DOCK4: variants seen among roughly 807,000 people sequenced by gnomAD.
The protein encoded by DOCK4 is dedicator of cytokinesis 4, also known as dedicator of cytokinesis protein 4.
A neutral mutation model predicts 268.1 loss-of-function variants in DOCK4; 97 were observed. The observed-to-expected ratio is 0.36, with a 90% CI of 0.31 to 0.43. DOCK4 has a LOEUF of 0.43. Among genes scored for constraint, DOCK4 ranks in the 20% least tolerant of loss-of-function variants. The probability of loss-of-function intolerance (pLI) is 1.00; values close to 1 mark genes in which losing one functional copy is unlikely to be tolerated. For synonymous variants in DOCK4, 954 were observed against 887.2 expected, an observed-to-expected ratio of 1.08 and a Z score of -1.34; for missense variants, 2,145 against 2,455.7, an observed-to-expected ratio of 0.87 and a Z score of 2.67.
rs541006060 is a variant in DOCK4 at position 111,843,816 on chromosome 7, T to C, written c.2736+947A>G. On this transcript the variant is annotated intron_variant, in intron 25 of 52. Transcript: ENST00000428084. ...TCACGTTGCAGGTGGCTTGATGTTA[T>C]AATCTGGAAAATCTGGCCTTAGGAG... Among the ~76,000 whole-genome samples, 3 of 152,350 alleles carry C rather than the reference T, an allele frequency of 2.0e-5. No individual in the cohort carries two copies. The South Asian group carries it at 6.2e-4, about 32-fold the overall frequency.
chr7:111,848,659 C>A (rs938035154), intron 23 of DOCK4, among the ~76,000 whole-genome samples: 1 of 151,978 alleles, frequency 6.6e-6, no homozygotes, highest in South Asian at 2.1e-4. Context: ...TGGTCTGGGG[C>A]GGGGACTCTA....
At chr7:111,902,731 G>GA (rs1247841199) in intron 13 of DOCK4, among the ~76,000 whole-genome samples, 3 of 151,442 alleles carry the variant, frequency 2.0e-5, no homozygotes, top group Admixed American at 1.3e-4. Context: ...TCAAACACTT[G>GA]AAAAAATCAA....
intron 1 of DOCK4, among the ~76,000 whole-genome samples, chr7:112,020,669 A>T (rs1000783352): frequency 1.0e-4 from 15 of 143,914 alleles, no homozygotes; most frequent in African/African-American, 3.4e-4. Context: ...CCAAAGAGTC[A>T]CTGGTACCCT....
chr7:111,846,826 C>T (rs1804147397), intron 24 of DOCK4, among the ~76,000 whole-genome samples, 173 bp downstream of exon 24: 1 of 152,114 alleles, frequency 6.6e-6, no homozygotes, highest in South Asian at 2.1e-4. Flanking sequence ...GTTACAGAAT[C>T]CCACAAGGTT....
rs184294928 is a variant in DOCK4, at chr7:112,078,648, T to C, written c.38-74517A>G. Among the ~76,000 whole-genome samples the C allele has an allele frequency of 4.4e-3, 671 of 152,196 alleles. 3 individuals are homozygous for C. The highest frequency in any genetic ancestry group is 0.015 in the African/African-American group (636 of 41,508). ...CCAAAGCTGAAATGGTCAAACAATA[T>C]AGACATGCTGATGTCAATCCCTTGG... On this transcript the variant is annotated intron_variant, in intron 1 of 52. Transcript: ENST00000428084.
At chr7:112,185,088 A>G (rs1819387216) in intron 1 of DOCK4, among the ~76,000 whole-genome samples, 1 of 152,212 alleles carries the variant, frequency 6.6e-6, no homozygotes, top group Non-Finnish European at 1.5e-5. Flanking sequence ...TATTTAAAAA[A>G]TAAAGAATCT....
chr7:111,850,528 CT>C (rs1325038607), intron 23 of DOCK4, among the ~76,000 whole-genome samples: 2 of 152,192 alleles, frequency 1.3e-5, no homozygotes, highest in Non-Finnish European at 2.9e-5. Flanking sequence ...ATCATACCCC[CT>C]GTGACCTGCA....
At chr7:111,897,528 C>T (rs1349070616) in intron 15 of DOCK4, among the ~76,000 whole-genome samples, 2 of 152,140 alleles carry the variant, frequency 1.3e-5, no homozygotes, top group African/African-American at 4.8e-5. Context: ...TGTGCTGGAG[C>T]TGGATCATAC....
chr7:112,181,393 C>A (rs966001852), intron 1 of DOCK4, among the ~76,000 whole-genome samples: 1 of 152,058 alleles, frequency 6.6e-6, no homozygotes, highest in African/African-American at 2.4e-5. Context: ...GAGGCTCACA[C>A]CTATAATCCC....
chr7:112,070,653 T>C (rs939359810), intron 1 of DOCK4, among the ~76,000 whole-genome samples: 10 of 152,098 alleles, frequency 6.6e-5, no homozygotes, highest in African/African-American at 2.4e-4. Context: ...TGGGTTGTTT[T>C]GGTGATAAAG....
intron 8 of DOCK4, among the ~76,000 whole-genome samples, chr7:111,946,201 T>C (rs748495577): frequency 6.6e-6 from 1 of 152,256 alleles, no homozygotes; most frequent in Non-Finnish European, 1.5e-5. Flanking sequence ...ACATTAAAGA[T>C]ATTTTGAGTG....
chr7:112,195,398 A>T (rs1379672636), intron 1 of DOCK4, among the ~76,000 whole-genome samples: 1 of 152,198 alleles, frequency 6.6e-6, no homozygotes, highest in Non-Finnish European at 1.5e-5. Context: ...AAAACCTCAG[A>T]GGTTTCTTCT....
At chr7:112,159,332 A>T (rs1252392167) in intron 1 of DOCK4, among the ~76,000 whole-genome samples, 1 of 151,796 alleles carries the variant, frequency 6.6e-6, no homozygotes, top group Non-Finnish European at 1.5e-5. Flanking sequence ...TCTCTGCAGC[A>T]GTCCCTCAAC....
chr7:111,959,414 T>C lies in DOCK4; in HGVS notation c.702-13616A>G, dbSNP rs374456449. The stretch of plus-strand genomic sequence containing the variant: ...TACAAAAAGGGATCTATGCCCATGA[T>C]TGATGTTCAAAACAATATATGCTCC... On this transcript the variant is annotated intron_variant, in intron 8 of 52. Coordinates refer to ENST00000428084, the MANE Select transcript of DOCK4 (RefSeq NM_001363540.2). Among the ~76,000 whole-genome samples, 52 of 152,326 alleles carry C rather than the reference T, an allele frequency of 3.4e-4. 1 individual carries two copies. The East Asian group carries it at 5.4e-3, about 16-fold the overall frequency.
intron 1 of DOCK4, among the ~76,000 whole-genome samples, chr7:112,074,224 G>A (rs1341917997): frequency 6.6e-6 from 1 of 152,120 alleles, no homozygotes; most frequent in African/African-American, 2.4e-5. Context: ...AGGCAGATGT[G>A]GGTGAGTATC....
chr7:111,957,374 A>G (rs1796526838), intron 8 of DOCK4, among the ~76,000 whole-genome samples: 1 of 152,222 alleles, frequency 6.6e-6, no homozygotes, highest in Admixed American at 6.5e-5. Context: ...TGAATTAAGG[A>G]AATGATTCTG....
At chr7:111,986,971 T>C (rs1308675816) in intron 6 of DOCK4, among the ~76,000 whole-genome samples, 1 of 152,224 alleles carries the variant, frequency 6.6e-6, no homozygotes. Flanking sequence ...GGCAAGAGAT[T>C]ATCTTAATTT....
At chr7:111,906,027 A>G (rs1791540340) in intron 13 of DOCK4, among the ~76,000 whole-genome samples, 1 of 152,186 alleles carries the variant, frequency 6.6e-6, no homozygotes, top group South Asian at 2.1e-4. Context: ...TTTGCAGATG[A>G]GGAAATTAAA....
chr7:111,829,110 T>C (rs1351482487), intron 26 of DOCK4, among the ~76,000 whole-genome samples: 1 of 152,102 alleles, frequency 6.6e-6, no homozygotes, highest in African/African-American at 2.4e-5. Context: ...ACCCTATTAA[T>C]TGTACTTTAC....
Sources: gnomAD v4.1 joint callset for allele counts (sites outside exome capture counted in the v4.1 genomes callset) on GRCh38, gnomAD v4.1.1 for gene constraint, MANE v1.5 for transcripts, NCBI Gene and HGNC (gene_info 2026-07-23, HGNC 2026-07-21) for gene names.